GRIA1: variants seen among roughly 807,000 people sequenced by gnomAD.
GRIA1 encodes the protein glutamate receptor 1.
Under a neutral mutation model 99.2 loss-of-function variants are expected in GRIA1, and 31 were observed. The ratio of observed to expected loss-of-function variants is 0.31; its 90% confidence interval spans 0.23 to 0.42. The LOEUF is 0.42. GRIA1 is among the 10% of genes least tolerant of loss of function. The pLI is 1.00. For synonymous variants in GRIA1, 438 were observed against 432.4 expected (o/e 1.01, Z -0.16); for missense variants, 782 against 1,157.5 (o/e 0.68, Z 4.71).
intron 11 of GRIA1, among the ~76,000 whole-genome samples, chr5:153,761,653 T>C (rs1182451174): frequency 6.6e-6 from 1 of 152,144 alleles, no homozygotes; most frequent in Non-Finnish European, 1.5e-5. Flanking sequence ...GATTCAACAA[T>C]CTCACCATTG....
chr5:153,768,883 G>A (rs950002517), intron 12 of GRIA1, among the ~76,000 whole-genome samples: 20 of 152,240 alleles, frequency 1.3e-4, no homozygotes, highest in African/African-American at 4.8e-4. Flanking sequence ...ATTTGTAATA[G>A]CCAGACTGTA....
chr5:153,591,956 A>G (rs1764009279), intron 2 of GRIA1, among the ~76,000 whole-genome samples: 1 of 152,220 alleles, frequency 6.6e-6, no homozygotes. Flanking sequence ...GAAGTGGGCT[A>G]CCCCTTTTAG....
At chr5:153,649,220 C>T (rs1420866393) in intron 3 of GRIA1, among the ~76,000 whole-genome samples, 2 of 152,174 alleles carry the variant, frequency 1.3e-5, no homozygotes, top group Non-Finnish European at 2.9e-5. Flanking sequence ...TAGCCTGGGA[C>T]ACCTATCTCA....
At chr5:153,592,373 G>T (rs368054208) in intron 2 of GRIA1, among the ~76,000 whole-genome samples, 25 of 151,680 alleles carry the variant, frequency 1.6e-4, no homozygotes, top group African/African-American at 6.1e-4. Flanking sequence ...AGGTTTGGGA[G>T]TCAGGAGACC....
chr5:153,501,958 C>G (rs773868812), intron 2 of GRIA1, among the ~76,000 whole-genome samples: 3 of 152,230 alleles, frequency 2.0e-5, no homozygotes, highest in African/African-American at 2.4e-5. Context: ...CTGTTCCAAT[C>G]AGACAACTCA....
intron 11 of GRIA1, among the ~76,000 whole-genome samples, chr5:153,724,808 G>C (rs1309935813): frequency 6.6e-6 from 1 of 152,242 alleles, no homozygotes. Context: ...ATGGAACCAA[G>C]TTGGAAAACA....
chr5:153,596,719 C>G (rs112918880), intron 2 of GRIA1, among the ~76,000 whole-genome samples: 7 of 152,138 alleles, frequency 4.6e-5, no homozygotes, highest in African/African-American at 1.7e-4. Context: ...CTCTGGTGTC[C>G]TTACTCTCCC....
chr5:153,504,554 G>C (rs1343345702), intron 2 of GRIA1, among the ~76,000 whole-genome samples: 6 of 152,092 alleles, frequency 3.9e-5, no homozygotes, highest in Admixed American at 2.0e-4. Context: ...GCTAAAGTCA[G>C]AAGAGCCACC....
rs1282701638 is a variant in GRIA1, at chr5:153,686,362, A to G, written c.1134+33A>G. On this transcript the variant is annotated intron_variant, in intron 8 of 15. Coordinates refer to ENST00000285900, the MANE Select transcript of GRIA1 (RefSeq NM_000827.4). ...CCCCCTTTACTTCTGTTCTGCAGAG[A>G]GAAGAGGCTGAGCAGGGACTCTGGC... The G allele has an allele frequency of 3.9e-6, 6 of 1,519,072 alleles. No homozygotes were observed. In the Admixed American group the frequency reaches 8.4e-5, roughly 21 times the overall value. 94.1% of individuals were successfully genotyped at this position (1,519,072 alleles called of 1,614,324 possible).
intron 11 of GRIA1, among the ~76,000 whole-genome samples, chr5:153,731,890 C>A (rs1170186202): frequency 6.6e-6 from 1 of 152,008 alleles, no homozygotes; most frequent in East Asian, 1.9e-4. Context: ...ACTCTTTGAC[C>A]AACATCTTAT....
chr5:153,760,307 C>T (rs576463712), intron 11 of GRIA1, among the ~76,000 whole-genome samples: 6 of 151,916 alleles, frequency 3.9e-5, no homozygotes, highest in Non-Finnish European at 5.9e-5. Context: ...TAGAAACCCT[C>T]CAAAAAGCTA....
chr5:153,797,047 T>A (rs1270188035), intron 14 of GRIA1, among the ~76,000 whole-genome samples: 1 of 152,158 alleles, frequency 6.6e-6, no homozygotes, highest in Non-Finnish European at 1.5e-5. Context: ...CACTGAATGT[T>A]CCTGCACTAA....
chr5:153,703,888 A>G (rs553168744), intron 10 of GRIA1, among the ~76,000 whole-genome samples: 4 of 152,302 alleles, frequency 2.6e-5, no homozygotes, highest in South Asian at 4.1e-4. Context: ...CTTGTGGTCA[A>G]TCCCTCCAAG....
intron 6 of GRIA1, among the ~76,000 whole-genome samples, chr5:153,674,942 AGGC>A (rs1756458468): frequency 6.6e-6 from 1 of 152,196 alleles, no homozygotes; most frequent in Non-Finnish European, 1.5e-5. Context: ...TCAAATACCC[AGGC>A]TTCTTGTACC....
intron 2 of GRIA1, among the ~76,000 whole-genome samples, chr5:153,641,685 T>A (rs1002813109): frequency 2.0e-5 from 3 of 152,164 alleles, no homozygotes; most frequent in African/African-American, 4.8e-5. Context: ...TATACAGTAC[T>A]CTTTATGCAC....
intron 13 of GRIA1, among the ~76,000 whole-genome samples, chr5:153,787,064 CT>C (rs575008673): frequency 6.4e-4 from 98 of 152,212 alleles, no homozygotes; most frequent in Non-Finnish European, 1.2e-3. Flanking sequence ...ACATTCTGTC[CT>C]TTGCCTTTCA....
At chr5:153,525,762 C>G (rs1441157463) in intron 2 of GRIA1, among the ~76,000 whole-genome samples, 1 of 152,188 alleles carries the variant, frequency 6.6e-6, no homozygotes, top group Admixed American at 6.5e-5. Flanking sequence ...CCACAACCCT[C>G]TCTCCTGATT....
chr5:153,795,374 T>C, intron 14 of GRIA1: 1 of 687,064 alleles, frequency 1.5e-6, no homozygotes, highest in South Asian at 1.7e-5. Flanking sequence ...TGTCAGTGCA[T>C]ATGATCTTGT....
At chr5:153,578,271 G>A (rs11750700) in intron 2 of GRIA1, among the ~76,000 whole-genome samples, 53,887 of 151,718 alleles carry the variant, frequency 0.36, 12,027 homozygotes, top group Non-Finnish European at 0.51. Flanking sequence ...GAAGGTATTC[G>A]TTTAAATAGT....
Sources: gnomAD v4.1 joint callset for allele counts (sites outside exome capture counted in the v4.1 genomes callset) on GRCh38, gnomAD v4.1.1 for gene constraint, MANE v1.5 for transcripts, NCBI Gene and HGNC (gene_info 2026-07-23, HGNC 2026-07-21) for gene names.